Variants in BSG observed in about 807,000 individuals in gnomAD.
BSG encodes basigin.
Under a neutral mutation model 43.1 loss-of-function variants are expected in BSG, and 37 were observed. That is an observed-to-expected ratio of 0.86 (90% confidence interval 0.66 to 1.13). The LOEUF (loss-of-function observed/expected upper bound fraction) is 1.13. BSG is among the 50% of genes most tolerant of loss of function. The pLI is 0.00. For synonymous variants in BSG, 309 were observed against 238.7 expected (o/e 1.29, Z -2.72); for missense variants, 599 against 554.2 (o/e 1.08, Z -0.81).
chr19:581,276 T>G (rs765513893), intron 5 of BSG, 39 bp from the exon 6 acceptor site: 3 of 1,582,624 alleles, frequency 1.9e-6, no homozygotes, highest in Non-Finnish European at 2.6e-6. Flanking sequence ...GGGCCTAGAC[T>G]GGGGGTCCTG....
chr19:572,714 TA>T lies in BSG; in HGVS notation c.67+14del, dbSNP rs1027140601. On this transcript the variant is annotated intron_variant, in intron 1 of 8. Coordinates refer to ENST00000333511, the MANE Select transcript of BSG (RefSeq NM_001728.4). ...GCCTCCGGGGCTGGTGAGGAGCGGGTAGGGGGCGGGGGTGCGGTCCTGCAGG... is the reference window on the plus strand; with the variant it reads ...GCCTCCGGGGCTGGTGAGGAGCGGGTGGGGGCGGGGGTGCGGTCCTGCAGG... The T allele has an allele frequency of 4.1e-6, 6 of 1,465,456 alleles. No homozygotes were observed. The African/African-American group carries it at 8.8e-5, about 21-fold the overall frequency. 90.8% of individuals were successfully genotyped at this position (1,465,456 alleles called of 1,614,324 possible).
chr19:577,347 C>T (rs8110980), intron 1 of BSG, among the ~76,000 whole-genome samples: 37,795 of 152,042 alleles, frequency 0.25, 5,073 homozygotes, highest in East Asian at 0.45. Flanking sequence ...GGACAGAGGC[C>T]GCCTGCCCCT....
At chr19:581,036 G>T (rs1462992109) in intron 5 of BSG, among the ~76,000 whole-genome samples, 2 of 103,106 alleles carry the variant, frequency 1.9e-5, no homozygotes, top group Admixed American at 8.7e-5. Context: ...TAGACTGGGG[G>T]TCCCGGACCC....
At chr19:574,677 G>A (rs907079903) in intron 1 of BSG, among the ~76,000 whole-genome samples, 39 of 152,244 alleles carry the variant, frequency 2.6e-4, no homozygotes, top group African/African-American at 7.2e-4. Flanking sequence ...GCATTGAGCC[G>A]TAGGGGGCCT....
chr19:576,630 A>G (rs1309260156), intron 1 of BSG, among the ~76,000 whole-genome samples: 1 of 152,140 alleles, frequency 6.6e-6, no homozygotes, highest in East Asian at 1.9e-4. Context: ...GTGTGGTGGC[A>G]GGCACCTGTA....
At chr19:580,116 T>G (rs1600493881) in intron 3 of BSG, 1 of 493,058 alleles carries the variant, frequency 2.0e-6, no homozygotes, top group Non-Finnish European at 3.6e-6. Context: ...TCACAGGGTG[T>G]GGGGTGCAGA....
At chr19:580,277 T>G in intron 3 of BSG, 102 bp from the exon 4 acceptor site, 1 of 1,043,958 alleles carries the variant, frequency 9.6e-7, no homozygotes, top group East Asian at 2.4e-5. Flanking sequence ...TGGGACAGTT[T>G]TGCTTTTTCA....
At chr19:576,140 T>C (rs1188471356) in intron 1 of BSG, among the ~76,000 whole-genome samples, 1 of 152,208 alleles carries the variant, frequency 6.6e-6, no homozygotes. Context: ...GAAAGGTGGC[T>C]GGGGGCAGCT....
At position 580,673 on chromosome 19, in the gene BSG, C is replaced by T. The variant is rs766575719; in HGVS notation, c.683C>T (p.Ser228Leu). Residue 228 changes from serine (S) to leucine (L), a missense_variant, in exon 5 of 9, where the codon TCG becomes TTG. Coordinates refer to ENST00000333511, the MANE Select transcript of BSG (RefSeq NM_001728.4). Reference protein sequence around the residue: ...HGPPRVKAVKSSEHINEGETA... With the variant: ...HGPPRVKAVKLSEHINEGETA... ...CCTCCCAGAGTGAAGGCTGTGAAGT[C>T]GTCAGAACACATCAACGAGGGGGAG... 17 of 1,612,726 alleles carry T rather than the reference C, an allele frequency of 1.1e-5. No homozygotes were observed. The highest frequency in any genetic ancestry group is 8.3e-5 in the Admixed American group (5 of 60,002).
intron 1 of BSG, 44 bp from the exon 2 acceptor site, chr19:577,730 G>C: frequency 7.5e-7 from 1 of 1,326,984 alleles, no homozygotes; most frequent in South Asian, 2.1e-5. Context: ...GCCCTCCCAA[G>C]TGCCCCAGGC....
At chr19:578,792 A>G in intron 2 of BSG, 1 of 329,222 alleles carries the variant, frequency 3.0e-6, no homozygotes, top group African/African-American at 2.2e-5. Context: ...GTGTGGTGGC[A>G]CAATCTCGGC....
intron 3 of BSG, chr19:580,047 G>A (rs1488526317): frequency 7.2e-6 from 3 of 414,054 alleles, no homozygotes; most frequent in African/African-American, 2.0e-5. Flanking sequence ...GTCATAACTG[G>A]GGCTGGGACG....
rs367570309 is a variant in BSG, at chr19:579,604, G to T, written c.520G>T (p.Gly174Trp). ...GGTCACAGGGCACCGCTGGCTGAAG[G>T]GGGGCGTGGTGCTGAAGGAGGACGC... is the stretch of plus-strand genomic sequence containing the variant. ...TEVTGHRWLK[G>W]GVVLKEDALP... The change falls in exon 3 of 9, where the codon GGG becomes TGG. Residue 174 changes from glycine to tryptophan, a missense_variant. Coordinates refer to ENST00000333511, the MANE Select transcript of BSG (RefSeq NM_001728.4). The T allele has an allele frequency of 1.6e-5, 26 of 1,612,484 alleles. No homozygotes were observed. Among genetic ancestry groups the T allele is most frequent in the Admixed American group, 1.0e-4 (6 of 59,990 alleles).
At chr19:577,592 C>T (rs1044385342) in intron 1 of BSG, among the ~76,000 whole-genome samples, 182 bp from the exon 2 acceptor site, 16 of 152,198 alleles carry the variant, frequency 1.1e-4, no homozygotes, top group Admixed American at 7.8e-4. Flanking sequence ...GTGGACGGGA[C>T]GCCCACGGTC....
chr19:573,642 C>T (rs1981490984), intron 1 of BSG, among the ~76,000 whole-genome samples: 1 of 152,160 alleles, frequency 6.6e-6, no homozygotes, highest in Non-Finnish European at 1.5e-5. Context: ...GAGGTGGTCT[C>T]TGAACGCCCC....
intron 2 of BSG, chr19:578,887 T>C (rs1982019282): frequency 2.6e-6 from 1 of 388,194 alleles, no homozygotes; most frequent in Non-Finnish European, 5.2e-6. Context: ...TGAGCCAACA[T>C]GCCCAGCTAA....
chr19:580,519 C>T (rs934685121), intron 4 of BSG, 58 bp downstream of exon 4: 21 of 1,605,116 alleles, frequency 1.3e-5, no homozygotes, highest in Non-Finnish European at 1.7e-5. Flanking sequence ...AGTTGTTGGC[C>T]TGAGGCACCC....
In BSG at chr19:580,757, A is replaced by C; in HGVS notation, c.767A>C (p.Tyr256Ser). The C allele has an allele frequency of 6.2e-7, 1 of 1,610,678 alleles. No individual in the cohort carries two copies. The highest frequency in any genetic ancestry group is 8.5e-7 in the Non-Finnish European group (1 of 1,179,394). ...CCACCTGTCACTGACTGGGCCTGGT[A>C]CAAGATCACTGACTCTGAGGACAAG... ...SVPPVTDWAWYKITDSEDKAL... is the reference protein window; with the variant it reads ...SVPPVTDWAWSKITDSEDKAL... Residue 256 changes from tyrosine to serine, a missense_variant, in exon 5 of 9, where the codon TAC (tyrosine) becomes TCC (serine). Physicochemically the swap from Tyr to Ser is moderately radical, Grantham distance 144 (BLOSUM62 -2). Coordinates refer to ENST00000333511, the MANE Select transcript of BSG (RefSeq NM_001728.4).
At chr19:577,028 CT>C (rs899948117) in intron 1 of BSG, among the ~76,000 whole-genome samples, 1 of 152,096 alleles carries the variant, frequency 6.6e-6, no homozygotes, top group Non-Finnish European at 1.5e-5. Context: ...GTGGGGAGGG[CT>C]GCAAGGTCCT....
Sources: allele counts gnomAD v4.1 joint callset (sites outside exome capture counted in the v4.1 genomes callset), GRCh38; gene constraint gnomAD v4.1.1; transcripts MANE v1.5; gene names NCBI Gene and HGNC (gene_info 2026-07-23, HGNC 2026-07-21).